The following ANKRD12 variants were observed in gnomAD, a reference collection of about 807,000 sequenced individuals.
ANKRD12 encodes ankyrin repeat domain-containing protein 12.
In ANKRD12, 85 loss-of-function variants were observed where a neutral mutation model predicts 183.4. That is an observed-to-expected ratio of 0.46 (90% CI 0.39 to 0.56). The LOEUF (loss-of-function observed/expected upper bound fraction) is 0.56, where lower values mean the gene tolerates loss of function less well. ANKRD12 is among the 20% of genes least tolerant of loss of function. ANKRD12 has a pLI of 0.00. For synonymous variants in ANKRD12, 914 were observed against 800.2 expected (o/e 1.14, Z -2.40); for missense variants, 2,405 against 2,357.1 (o/e 1.02, Z -0.42).
At position 9,238,117 on chromosome 18, in the gene ANKRD12, C is replaced by G. The variant is rs561084234; in HGVS notation, c.944-16094C>G. Reference sequence around the variant, plus strand: ...TTGACCATATTCTTCCTAAAATTCTCTTGCCTTGGTTCTTGGGACAAAGTT... The same window carrying G: ...TTGACCATATTCTTCCTAAAATTCTGTTGCCTTGGTTCTTGGGACAAAGTT... On this transcript the variant is annotated intron_variant, in intron 8 of 12. Transcript: ENST00000262126. Among the ~76,000 whole-genome samples, 7 of 152,296 alleles carry G rather than the reference C, an allele frequency of 4.6e-5. No individual in the cohort carries two copies. The South Asian group carries it at 1.4e-3, about 32-fold the overall frequency.
At chr18:9,183,268 A>G (rs1218003278) in intron 2 of ANKRD12, among the ~76,000 whole-genome samples, 1 of 152,212 alleles carries the variant, frequency 6.6e-6, no homozygotes, top group Non-Finnish European at 1.5e-5. Flanking sequence ...GTCAGTTTCT[A>G]CAAAAGTACC....
intron 8 of ANKRD12, among the ~76,000 whole-genome samples, chr18:9,231,349 A>AG (rs1432514349): frequency 6.6e-6 from 1 of 152,040 alleles, no homozygotes; most frequent in African/African-American, 2.4e-5. Context: ...GATGTGTTGA[A>AG]GTCCCCCGTT....
intron 7 of ANKRD12, among the ~76,000 whole-genome samples, chr18:9,218,727 T>G (rs893002861): frequency 6.6e-6 from 1 of 151,842 alleles, no homozygotes; most frequent in East Asian, 1.9e-4. Context: ...TAGAGTGTAG[T>G]GGTGCAATCA....
At chr18:9,188,285 G>A (rs1205320777) in intron 2 of ANKRD12, among the ~76,000 whole-genome samples, 1 of 152,204 alleles carries the variant, frequency 6.6e-6, no homozygotes, top group East Asian at 1.9e-4. Flanking sequence ...TTTATGATGG[G>A]CAGTAAGTCT....
intron 4 of ANKRD12, among the ~76,000 whole-genome samples, chr18:9,205,989 T>G (rs2035464963): frequency 6.6e-6 from 1 of 152,150 alleles, no homozygotes; most frequent in African/African-American, 2.4e-5. Context: ...TTGAGCTTTC[T>G]ATTTATTCTG....
In ANKRD12 at chr18:9,166,169, C is replaced by T. The variant is rs555262172; in HGVS notation, c.-51-16213C>T. ...AAGTCTTTGCTGTTGTGAATAGTGCCGCAATAAACATACGTGTGCATGTGT... is the reference window on the plus strand; with the variant it reads ...AAGTCTTTGCTGTTGTGAATAGTGCTGCAATAAACATACGTGTGCATGTGT... On this transcript the variant is annotated intron_variant, in intron 1 of 12. Transcript: ENST00000262126. Among the ~76,000 whole-genome samples the T allele has an allele frequency of 2.9e-3, 441 of 152,096 alleles. 1 individual carries two copies. Among genetic ancestry groups the T allele is most frequent in the African/African-American group, 0.01 (425 of 41,476 alleles).
chr18:9,182,657 A>G (rs954037931), intron 2 of ANKRD12, 138 bp downstream of exon 2: 13 of 453,372 alleles, frequency 2.9e-5, no homozygotes, highest in African/African-American at 2.6e-4. Context: ...CCCTTTAGAA[A>G]TAAATTGGAT....
intron 1 of ANKRD12, among the ~76,000 whole-genome samples, chr18:9,158,870 T>A (rs777452780): frequency 6.6e-6 from 1 of 152,192 alleles, no homozygotes; most frequent in Non-Finnish European, 1.5e-5. Flanking sequence ...TGTCTCTCAT[T>A]TATTCACTTT....
rs769985219 is a variant in ANKRD12 at position 9,221,874 on chromosome 18, A to T, written c.818A>T (p.His273Leu). Residue 273 changes from histidine (H) to leucine (L), a missense_variant, in exon 8 of 13, where the codon CAC becomes CTC. His to Leu is a moderately conservative substitution (Grantham distance 99, BLOSUM62 -3). Coordinates refer to ENST00000262126, the MANE Select transcript of ANKRD12 (RefSeq NM_015208.5). ...HRDIVKLLLR[H>L]GGNPFQANKH... ...CAGATAGTAAAGCTGTTACTTCGTC[A>T]CGGTGGAAATCCATTTCAAGCTAAT... The T allele has an allele frequency of 3.1e-6, 5 of 1,613,816 alleles. No individual in the cohort carries two copies. Among genetic ancestry groups the T allele is most frequent in the Non-Finnish European group, 4.2e-6 (5 of 1,179,898 alleles).
intron 1 of ANKRD12, among the ~76,000 whole-genome samples, chr18:9,171,999 A>G (rs1161534176): frequency 6.8e-6 from 1 of 147,826 alleles, no homozygotes; most frequent in African/African-American, 2.5e-5. Flanking sequence ...TATCCTGGGC[A>G]GGAAGAGTGA....
intron 8 of ANKRD12, among the ~76,000 whole-genome samples, chr18:9,237,575 G>T (rs115673375): frequency 0.021 from 3,168 of 152,292 alleles, 68 homozygotes; most frequent in African/African-American, 0.051. Context: ...GCATGTCAGT[G>T]CTGTGCCTGG....
At chr18:9,226,162 G>T (rs561078213) in intron 8 of ANKRD12, among the ~76,000 whole-genome samples, 1 of 152,258 alleles carries the variant, frequency 6.6e-6, no homozygotes, top group South Asian at 2.1e-4. Context: ...GGTGGCTCAC[G>T]CCTGTAATCC....
intron 1 of ANKRD12, among the ~76,000 whole-genome samples, chr18:9,151,725 G>A (rs983009083): frequency 1.8e-4 from 27 of 152,296 alleles, no homozygotes; most frequent in African/African-American, 6.3e-4. Context: ...CAGCTCAGTG[G>A]AAGCTGGAAC....
At chr18:9,244,027 G>A (rs1004002852) in intron 8 of ANKRD12, among the ~76,000 whole-genome samples, 2 of 152,076 alleles carry the variant, frequency 1.3e-5, no homozygotes, top group Admixed American at 1.3e-4. Context: ...TCAGCTACTT[G>A]GGAGGCTGAG....
Position 9,255,656 on chromosome 18 carries a change from A to G in ANKRD12, c.2389A>G (p.Ile797Val), listed in dbSNP as rs1423057657. The change falls in exon 9 of 13, where the codon ATA becomes GTA. Residue 797 changes from isoleucine to valine, a missense_variant. Ile to Val is a conservative substitution (Grantham distance 29). Coordinates refer to ENST00000262126, the MANE Select transcript of ANKRD12 (RefSeq NM_015208.5). ...SLGMSAIEES[I>V]GLHLVEKEID... is the part of the protein sequence containing the mutation. ...GGGTATGAGTGCCATTGAGGAATCTATAGGGCTTCATTTAGTGGAAAAGGA... is the reference window on the plus strand; with the variant it reads ...GGGTATGAGTGCCATTGAGGAATCTGTAGGGCTTCATTTAGTGGAAAAGGA... 4 of 1,586,078 alleles carry G rather than the reference A, an allele frequency of 2.5e-6. No homozygotes were observed. Among genetic ancestry groups the G allele is most frequent in the Non-Finnish European group, 2.6e-6 (3 of 1,173,040 alleles).
At chr18:9,143,351 T>G (rs1018602579) in intron 1 of ANKRD12, among the ~76,000 whole-genome samples, 1 of 152,238 alleles carries the variant, frequency 6.6e-6, no homozygotes, top group Non-Finnish European at 1.5e-5. Flanking sequence ...TCCAATTCAC[T>G]AATATATTTA....
intron 5 of ANKRD12, among the ~76,000 whole-genome samples, chr18:9,209,150 A>G (rs1277585362): frequency 6.6e-6 from 1 of 152,186 alleles, no homozygotes; most frequent in African/African-American, 2.4e-5. Flanking sequence ...ACATGTATGT[A>G]TGTTTATTTA....
chr18:9,249,502 G>T (rs1230308925), intron 8 of ANKRD12: 2 of 152,126 alleles, frequency 1.3e-5, no homozygotes, highest in African/African-American at 4.8e-5. Flanking sequence ...AGGAGTGATT[G>T]GGAGGTTAAC....
chr18:9,218,231 C>T (rs2036220387), intron 7 of ANKRD12, among the ~76,000 whole-genome samples: 1 of 152,148 alleles, frequency 6.6e-6, no homozygotes, highest in Non-Finnish European at 1.5e-5. Flanking sequence ...CAGAAGCTGA[C>T]CTTTTGAGCT....
Sources: allele counts gnomAD v4.1 joint callset (sites outside exome capture counted in the v4.1 genomes callset), GRCh38; gene constraint gnomAD v4.1.1; transcripts MANE v1.5; gene names NCBI Gene and HGNC (gene_info 2026-07-23, HGNC 2026-07-21).